Variants in ARHGEF12 observed in about 807,000 individuals in gnomAD.
ARHGEF12 encodes the protein KMT2A/ARHGEF12 fusion protein.
In ARHGEF12, 66 loss-of-function variants were observed where a neutral mutation model predicts 211.2. The observed-to-expected ratio is 0.31, with a 90% CI of 0.26 to 0.38. ARHGEF12 has a LOEUF of 0.38. ARHGEF12 is among the 10% of genes least tolerant of loss of function. ARHGEF12 has a pLI of 1.00. For synonymous variants in ARHGEF12, 592 were observed against 638.4 expected (o/e 0.93, Z 1.09); for missense variants, 1,429 against 1,869.5 (o/e 0.76, Z 4.34).
rs1565420653 is a variant in ARHGEF12 at position 120,351,434 on chromosome 11, TATATATATATATATATATA to T, written c.32+14160_32+14178del. On this transcript the variant is annotated intron_variant, in intron 1 of 40. Coordinates refer to ENST00000397843, the MANE Select transcript of ARHGEF12 (RefSeq NM_015313.3). ...ATATATATATATATATATATATATA[TATATATATATATATATATA>T]TATTTTTTTTTTTTTTTTTTTTTTT... is the stretch of plus-strand genomic sequence containing the variant. Among the ~76,000 whole-genome samples the T allele has an allele frequency of 4.6e-3, 16 of 3,460 alleles. 1 individual carries two copies. In the South Asian group the frequency reaches 0.073, roughly 16 times the overall value. The allele number at this position is 3,460 out of a possible 152,430, so 2.3% of individuals were successfully genotyped here.
intron 1 of ARHGEF12, among the ~76,000 whole-genome samples, chr11:120,356,469 C>T (rs1275296671): frequency 6.6e-6 from 1 of 152,212 alleles, no homozygotes; most frequent in East Asian, 1.9e-4. Flanking sequence ...CTGCCTGCCT[C>T]AGCCTCCCAA....
intron 1 of ARHGEF12, among the ~76,000 whole-genome samples, chr11:120,351,441 ATATATATATATATATTTTT>A (rs1942957112): frequency 2.2e-3 from 9 of 4,028 alleles, no homozygotes; most frequent in African/African-American, 3.3e-3. Context: ...ATATATATAT[ATATATATATATATATTTTT>A]TTTTTTTTTT....
Position 120,487,062 on chromosome 11 carries a change from G to A in ARHGEF12, c.*1985G>A, listed in dbSNP as rs1947414197. On this transcript the variant is annotated 3_prime_UTR_variant, in exon 41 of 41. Transcript: ENST00000397843. ...AAATAATGTCATTCTCAATTAAAAGGGTTACACCTGTAGCCACTTGACACT... is the reference window on the plus strand; with the variant it reads ...AAATAATGTCATTCTCAATTAAAAGAGTTACACCTGTAGCCACTTGACACT... 4.6e-6 allele frequency: 1 copy of A among 216,576 alleles called. No individual in the cohort carries two copies. Among genetic ancestry groups the A allele is most frequent in the Admixed American group, 5.8e-5 (1 of 17,204 alleles). The allele number at this position is 216,576 out of a possible 1,614,324, so 13.4% of individuals were successfully genotyped here.
At position 120,337,238 on chromosome 11, in the gene ARHGEF12, G is replaced by A. The variant is rs1942376841; in HGVS notation, c.-6G>A. ...ATAAAAGGAGGACCTCTCGCCAAGGGCCCCAATGAGTGGCACACAGTCTAC... is the reference window on the plus strand; with the variant it reads ...ATAAAAGGAGGACCTCTCGCCAAGGACCCCAATGAGTGGCACACAGTCTAC... On this transcript the variant is annotated 5_prime_UTR_variant, in exon 1 of 41. Transcript: ENST00000397843. 6.2e-7 allele frequency: 1 copy of A among 1,614,144 alleles called. No individual in the cohort carries two copies. Among genetic ancestry groups the A allele is most frequent in the Non-Finnish European group, 8.5e-7 (1 of 1,180,020 alleles).
At position 120,336,747 on chromosome 11, in the gene ARHGEF12, C is replaced by G. The variant is rs1278415085; in HGVS notation, c.-497C>G. 6.6e-6 allele frequency among the ~76,000 whole-genome samples: 1 copy of G among 152,176 alleles called. No individual in the cohort carries two copies. Among genetic ancestry groups the G allele is most frequent in the African/African-American group, 2.4e-5 (1 of 41,446 alleles). ...ATCGCGCGAGCCCGGCGCGGGACGG[C>G]CGGAGACGCGGCCAACGCTGCGGCC... On this transcript the variant is annotated 5_prime_UTR_variant, in exon 1 of 41. Transcript: ENST00000397843.
At chr11:120,425,983 C>T (rs1591575989) in intron 7 of ARHGEF12, among the ~76,000 whole-genome samples, 1 of 152,226 alleles carries the variant, frequency 6.6e-6, no homozygotes, top group Middle Eastern at 3.4e-3. Context: ...ATTTAATAAA[C>T]TAACTTTTTT....
At position 120,336,647 on chromosome 11, in the gene ARHGEF12, C is replaced by T. The variant is rs1942359035; in HGVS notation, c.-597C>T. ...GGGCCGCGGGACCTCTCCGCCGGCG[C>T]CAGCGGCTCGTCCCAGCACCGGGAG... On this transcript the variant is annotated 5_prime_UTR_variant, in exon 1 of 41. Coordinates refer to ENST00000397843, the MANE Select transcript of ARHGEF12 (RefSeq NM_015313.3). Among the ~76,000 whole-genome samples the T allele has an allele frequency of 6.6e-6, 1 of 152,060 alleles. No homozygotes were observed. The highest frequency in any genetic ancestry group is 6.5e-5 in the Admixed American group (1 of 15,274).
At chr11:120,387,901 A>G (rs1418499192) in intron 1 of ARHGEF12, among the ~76,000 whole-genome samples, 3 of 152,172 alleles carry the variant, frequency 2.0e-5, no homozygotes, top group Non-Finnish European at 4.4e-5. Context: ...TCATTTAAAC[A>G]TTAGGCTTCT....
At chr11:120,426,937 C>G (rs1019269503) in intron 7 of ARHGEF12, among the ~76,000 whole-genome samples, 1 of 151,930 alleles carries the variant, frequency 6.6e-6, no homozygotes, top group Non-Finnish European at 1.5e-5. Context: ...CGTGCAGTGG[C>G]GCAATCTCGG....
intron 19 of ARHGEF12, 43 bp downstream of exon 19, chr11:120,447,949 A>C: frequency 6.9e-7 from 1 of 1,440,082 alleles, no homozygotes; most frequent in South Asian, 1.3e-5. Flanking sequence ...TAAGAAAAAA[A>C]GAACTATGTT....
intron 1 of ARHGEF12, among the ~76,000 whole-genome samples, chr11:120,402,177 C>A (rs1025555031): frequency 6.6e-6 from 1 of 152,092 alleles, no homozygotes; most frequent in Non-Finnish European, 1.5e-5. Flanking sequence ...GAGTCTTTTG[C>A]CCCCAAGGCC....
intron 1 of ARHGEF12, among the ~76,000 whole-genome samples, chr11:120,386,377 C>G (rs190341698): frequency 1.3e-5 from 2 of 152,242 alleles, no homozygotes; most frequent in African/African-American, 4.8e-5. Context: ...CATTAAAAAG[C>G]ATTTAAGTGC....
Position 120,406,271 on chromosome 11 carries a change from G to GT in ARHGEF12, c.56+134dup, listed in dbSNP as rs1944701172. The GT allele has an allele frequency of 2.5e-5, 14 of 565,110 alleles. No individual in the cohort carries two copies. In the South Asian group the frequency reaches 5.6e-4, roughly 23 times the overall value. The allele number at this position is 565,110 out of a possible 1,614,324, so 35.0% of individuals were successfully genotyped here. On this transcript the variant is annotated intron_variant, in intron 2 of 40. Coordinates refer to ENST00000397843, the MANE Select transcript of ARHGEF12 (RefSeq NM_015313.3). ...TTCAAGTAATTCAAAATTTCAAAAT[G>GT]TTTTACAAATTTAAAATGTAAAAGA...
intron 12 of ARHGEF12, chr11:120,439,738 T>C (rs1427026082): frequency 6.5e-6 from 1 of 154,864 alleles, no homozygotes. Context: ...AATTTTTTAA[T>C]TGTAACCATT....
chr11:120,437,743 C>T (rs1183822813), intron 12 of ARHGEF12, among the ~76,000 whole-genome samples: 1 of 152,188 alleles, frequency 6.6e-6, no homozygotes, highest in Non-Finnish European at 1.5e-5. Flanking sequence ...CCCCCTTCCC[C>T]CTAGCCCCTG....
chr11:120,375,548 G>A (rs1380949610), intron 1 of ARHGEF12, among the ~76,000 whole-genome samples: 1 of 147,796 alleles, frequency 6.8e-6, no homozygotes, highest in Non-Finnish European at 1.5e-5. Context: ...TGATGGGGTG[G>A]CCTTTTTTTT....
chr11:120,367,014 TAA>T (rs368713737), intron 1 of ARHGEF12, among the ~76,000 whole-genome samples: 8 of 144,722 alleles, frequency 5.5e-5, no homozygotes, highest in Non-Finnish European at 4.6e-5. Flanking sequence ...AGACTCCATC[TAA>T]AAAAAAAAAA....
chr11:120,347,183 C>CCTTCCTTCCTTCCTTCCTTTCTTTCTTT (rs1555090041), intron 1 of ARHGEF12, among the ~76,000 whole-genome samples: 9 of 100,304 alleles, frequency 9.0e-5, no homozygotes, highest in South Asian at 3.2e-4. Context: ...TTCCTTCCTT[C>CCTTCCTTCCTTCCTTCCTTTCTTTCTTT]CTTTCTTTCT....
rs143377563 is a variant in ARHGEF12, at chr11:120,465,247, C to G, written c.2624C>G (p.Pro875Arg). Reference sequence around the variant, plus strand: ...GCATTCTTGGCACAGTTCAGCGGACCAGGAGAGGAGAAATTGAAACATGCT... The same window carrying G: ...GCATTCTTGGCACAGTTCAGCGGACGAGGAGAGGAGAAATTGAAACATGCT... ...GEDLLTWFSG[P>R]GEEKLKHAAA... Residue 875 changes from proline (P) to arginine (R), a missense_variant, in exon 28 of 41, where the codon CCA becomes CGA. By Grantham distance (103) the Pro-to-Arg change is moderately radical. Around this residue, in one of 7 missense-constraint regions of ARHGEF12, gnomAD observed 223 missense variants for 444.6 expected, o/e 0.50. Transcript: ENST00000397843. 1 of 1,613,918 alleles carries G rather than the reference C, an allele frequency of 6.2e-7. No homozygotes were observed. The highest frequency in any genetic ancestry group is 8.5e-7 in the Non-Finnish European group (1 of 1,180,028).
Sources: gnomAD v4.1 joint callset for allele counts (sites outside exome capture counted in the v4.1 genomes callset) on GRCh38, gnomAD v4.1.1 for gene constraint, gnomAD v4.1.1 regional missense constraint, MANE v1.5 for transcripts, NCBI Gene and HGNC (gene_info 2026-07-23, HGNC 2026-07-21) for gene names.